Variants in ASIC2 observed in about 807,000 individuals in gnomAD.
ASIC2 encodes the protein acid-sensing ion channel 2.
Under a neutral mutation model 57.3 loss-of-function variants are expected in ASIC2, and 25 were observed. That is an observed-to-expected ratio of 0.44 (90% confidence interval 0.32 to 0.61). The LOEUF (loss-of-function observed/expected upper bound fraction) is 0.61, where lower values mean the gene tolerates loss of function less well. Ranked by LOEUF, ASIC2 falls within the 20% of genes least tolerant of loss-of-function variation. ASIC2 has a pLI of 0.06. For synonymous variants in ASIC2, 319 were observed against 307.5 expected, an observed-to-expected ratio of 1.04 and a Z score of -0.39; for missense variants, 641 against 738.1, an observed-to-expected ratio of 0.87 and a Z score of 1.52.
chr17:33,230,867 C>T (rs178590), intron 1 of ASIC2, among the ~76,000 whole-genome samples: 104,205 of 151,456 alleles, frequency 0.69, 36,260 homozygotes, highest in Middle Eastern at 0.78. Flanking sequence ...CAAGGTGATA[C>T]GCAACGAAAA....
chr17:33,878,919 C>T (rs1271052263), intron 1 of ASIC2, among the ~76,000 whole-genome samples: 1 of 152,194 alleles, frequency 6.6e-6, no homozygotes, highest in Non-Finnish European at 1.5e-5. Context: ...TTGGCAGAAA[C>T]TCTACAAGCC....
chr17:33,122,784 A>G (rs1028500906), intron 1 of ASIC2, among the ~76,000 whole-genome samples: 1 of 152,132 alleles, frequency 6.6e-6, no homozygotes, highest in African/African-American at 2.4e-5. Context: ...GTCTAACTGA[A>G]ACTTTGCACC....
At chr17:33,626,750 C>T (rs1905996886) in intron 1 of ASIC2, among the ~76,000 whole-genome samples, 1 of 152,150 alleles carries the variant, frequency 6.6e-6, no homozygotes, top group Non-Finnish European at 1.5e-5. Context: ...TCTTTATGCC[C>T]CTTGCTCTCA....
intron 3 of ASIC2, among the ~76,000 whole-genome samples, chr17:33,065,622 G>C (rs2092040467): frequency 6.6e-6 from 1 of 152,068 alleles, no homozygotes; most frequent in Admixed American, 6.6e-5. Flanking sequence ...GAGGAGGATA[G>C]GGGAGGCAAC....
chr17:33,952,091 T>C (rs1334100844), intron 1 of ASIC2, among the ~76,000 whole-genome samples: 1 of 152,174 alleles, frequency 6.6e-6, no homozygotes, highest in Non-Finnish European at 1.5e-5. Flanking sequence ...ATAGACCCCA[T>C]GATATCTTCA....
intron 1 of ASIC2, among the ~76,000 whole-genome samples, chr17:33,299,405 C>T (rs112133878): frequency 1.3e-5 from 2 of 152,324 alleles, no homozygotes; most frequent in South Asian, 4.1e-4. Context: ...GACTTCTCCC[C>T]TGCGGTTTTA....
intron 1 of ASIC2, among the ~76,000 whole-genome samples, chr17:33,522,051 C>T (rs530786664): frequency 3.3e-4 from 51 of 152,268 alleles, no homozygotes; most frequent in African/African-American, 4.8e-4. Flanking sequence ...GGGTGGGTTC[C>T]GGGGCTGCAT....
At chr17:34,076,460 C>T (rs1324854861) in intron 1 of ASIC2, among the ~76,000 whole-genome samples, 6 of 152,170 alleles carry the variant, frequency 3.9e-5, no homozygotes, top group Non-Finnish European at 7.3e-5. Context: ...CACTTTCTAC[C>T]TTCATATCTA....
chr17:33,019,757 A>G (rs985942790), intron 7 of ASIC2, among the ~76,000 whole-genome samples: 1 of 152,078 alleles, frequency 6.6e-6, no homozygotes, highest in African/African-American at 2.4e-5. Flanking sequence ...TGACGCAGAC[A>G]TGACAAATTC....
intron 1 of ASIC2, among the ~76,000 whole-genome samples, chr17:33,601,946 C>T (rs1180871371): frequency 6.6e-6 from 1 of 152,214 alleles, no homozygotes; most frequent in African/African-American, 2.4e-5. Context: ...CTATTTCTCC[C>T]TTTTGTAATG....
chr17:34,120,647 C>A (rs1202074093), intron 1 of ASIC2, among the ~76,000 whole-genome samples: 1 of 148,632 alleles, frequency 6.7e-6, no homozygotes, highest in Non-Finnish European at 1.5e-5. Flanking sequence ...AGGGTCACTG[C>A]AGATGTACTA....
At chr17:33,672,981 C>A (rs1907684372) in intron 1 of ASIC2, among the ~76,000 whole-genome samples, 1 of 152,120 alleles carries the variant, frequency 6.6e-6, no homozygotes, top group Non-Finnish European at 1.5e-5. Context: ...TTACATAACG[C>A]CCAGCATGTA....
intron 1 of ASIC2, among the ~76,000 whole-genome samples, chr17:33,415,248 A>G (rs1339381803): frequency 3.3e-5 from 5 of 152,234 alleles, no homozygotes; most frequent in Non-Finnish European, 7.3e-5. Context: ...CCTCAGGGAC[A>G]TCAAAATCTG....
intron 2 of ASIC2, among the ~76,000 whole-genome samples, chr17:33,099,075 C>T (rs867727495): frequency 2.6e-5 from 4 of 152,098 alleles, no homozygotes; most frequent in African/African-American, 7.2e-5. Context: ...TCACTGCAAC[C>T]TCTGCCTCTC....
chr17:33,182,470 T>C (rs1429599118), intron 1 of ASIC2, among the ~76,000 whole-genome samples: 1 of 152,182 alleles, frequency 6.6e-6, no homozygotes, highest in Non-Finnish European at 1.5e-5. Context: ...TTTCCAGCTC[T>C]AGGTTGCCAG....
chr17:33,138,440 G>A (rs2092374292), intron 1 of ASIC2, among the ~76,000 whole-genome samples: 1 of 152,184 alleles, frequency 6.6e-6, no homozygotes. Context: ...ATTACACCCA[G>A]CAATTTAAGA....
intron 1 of ASIC2, among the ~76,000 whole-genome samples, chr17:33,352,032 G>A (rs1908204572): frequency 1.3e-5 from 2 of 151,950 alleles, no homozygotes; most frequent in African/African-American, 2.4e-5. Flanking sequence ...CTCCTAGATG[G>A]TCCTCCCCTT....
intron 1 of ASIC2, among the ~76,000 whole-genome samples, chr17:33,114,085 G>A (rs943419245): frequency 1.3e-5 from 2 of 152,226 alleles, no homozygotes; most frequent in Non-Finnish European, 2.9e-5. Flanking sequence ...GGAAGGGGTA[G>A]TGAAACATCT....
chr17:33,378,455 A>T (rs890165431), intron 1 of ASIC2, among the ~76,000 whole-genome samples: 1 of 152,096 alleles, frequency 6.6e-6, no homozygotes, highest in African/African-American at 2.4e-5. Context: ...CTGCAGGCCC[A>T]GGGAAGTGGG....
Sources: gnomAD v4.1 joint callset for allele counts (sites outside exome capture counted in the v4.1 genomes callset) on GRCh38, gnomAD v4.1.1 for gene constraint, MANE v1.5 for transcripts, NCBI Gene and HGNC (gene_info 2026-07-23, HGNC 2026-07-21) for gene names.